Variants in ICAM5 observed in about 807,000 individuals in gnomAD.
ICAM5 encodes the protein intercellular adhesion molecule 5.
ICAM5 carries 38 observed loss-of-function variants against 78.8 expected under a neutral mutation model. The observed-to-expected ratio is 0.48, with a 90% CI of 0.37 to 0.63. The LOEUF is 0.63. Among genes scored for constraint, ICAM5 ranks in the 30% least tolerant of loss-of-function variants. ICAM5 has a pLI of 0.00. For missense variants in ICAM5, 1,059 were observed against 1,303.0 expected (o/e 0.81, Z 2.88); for synonymous variants, 544 against 590.9 (o/e 0.92, Z 1.15).
intron 10 of ICAM5, 56 bp downstream of exon 10, chr19:10,295,668 G>C: frequency 6.7e-7 from 1 of 1,487,986 alleles, no homozygotes. Context: ...GCGTGACCTG[G>C]GTCTTGGGGC....
In ICAM5 at chr19:10,294,652, C is replaced by G; in HGVS notation, c.2230+12C>G. 6.2e-7 allele frequency: 1 copy of G among 1,612,530 alleles called. No individual in the cohort carries two copies. Among genetic ancestry groups the G allele is most frequent in the African/African-American group, 1.3e-5 (1 of 75,040 alleles). On this transcript the variant is annotated intron_variant, in intron 9 of 10. Transcript: ENST00000221980. The surrounding 1 kb of genome is among the most constrained non-coding windows in gnomAD (Gnocchi z 7.7). ...TGTGGGCGTGGAATGTGAGTGGGGG[C>G]AGCACCGGATGGAGGGGACACGGTC...
At position 10,296,573 on chromosome 19, in the gene ICAM5, C is replaced by A. The variant is rs2040222520; in HGVS notation, c.2732C>A (p.Pro911Gln). 1 of 1,217,756 alleles carries A rather than the reference C, an allele frequency of 8.2e-7. No homozygotes were observed. Among genetic ancestry groups the A allele is most frequent in the Non-Finnish European group, 1.0e-6 (1 of 972,276 alleles). The allele number at this position is 1,217,756 out of a possible 1,614,324, so 75.4% of individuals were successfully genotyped here. Residue 911 changes from proline (P) to glutamine (Q), a missense_variant, in exon 11 of 11, where the codon CCG becomes CAG. Physicochemically the swap from Pro to Gln is moderately conservative, Grantham distance 76 (BLOSUM62 -1). Around this residue, in one of 3 missense-constraint regions of ICAM5, gnomAD observed 109 missense variants for 120.0 expected, o/e 0.91. Coordinates refer to ENST00000221980, the MANE Select transcript of ICAM5 (RefSeq NM_003259.4). ...GCGGCGGGGGGCGCGGCCGAGTCGC[C>A]GGCGGAGGGCGAGGTCTTCGCCATA... ...PEAAGGAAES[P>Q]AEGEVFAIQL...
At position 10,291,769 on chromosome 19, in the gene ICAM5, G is replaced by C. The variant is rs1212493612; in HGVS notation, c.633G>C (p.Leu211=). 6.2e-7 allele frequency: 1 copy of C among 1,612,104 alleles called. No individual in the cohort carries two copies. Among genetic ancestry groups the C allele is most frequent in the South Asian group, 1.1e-5 (1 of 91,006 alleles). The change falls in exon 3 of 11, where the codon CTG becomes CTC. Residue 211 remains leucine (L), a synonymous_variant. Transcript: ENST00000221980. Reference sequence around the variant, plus strand: ...ACCTGCGGCCGCACGGACTGGGACTGTTTGAAAACAGCTCGGCCCCCAGAG... The same window carrying C: ...ACCTGCGGCCGCACGGACTGGGACTCTTTGAAAACAGCTCGGCCCCCAGAG... ...ELDLRPHGLG[L]FENSSAPREL... is the part of the protein sequence containing the mutation.
In ICAM5 at chr19:10,293,872, C is replaced by T. The variant is rs780511464; in HGVS notation, c.1640C>T (p.Ala547Val). ...CTGTTGCGTGTGGCCCGGGAGCATGCGGGCACTTACCGCTGCGAAGCCACC... is the reference window on the plus strand; with the variant it reads ...CTGTTGCGTGTGGCCCGGGAGCATGTGGGCACTTACCGCTGCGAAGCCACC... ...EGLLRVAREHAGTYRCEATNP... is the reference protein window; with the variant it reads ...EGLLRVAREHVGTYRCEATNP... The change falls in exon 7 of 11, where the codon GCG becomes GTG. Residue 547 changes from alanine to valine, a missense_variant. Physicochemically the swap from Ala to Val is moderately conservative, Grantham distance 64. Around this residue, in one of 3 missense-constraint regions of ICAM5, gnomAD observed 815 missense variants for 952.8 expected, o/e 0.86. Transcript: ENST00000221980. This position sits in a 1 kb window ranked among gnomAD's most constrained non-coding sequence, Gnocchi z 5.0. 1.2e-6 allele frequency: 2 copies of T among 1,611,558 alleles called. No homozygotes were observed. The highest frequency in any genetic ancestry group is 1.7e-6 in the Non-Finnish European group (2 of 1,179,988).
chr19:10,292,127 C>G lies in ICAM5; in HGVS notation c.766C>G (p.Pro256Ala). 1 of 1,613,414 alleles carries G rather than the reference C, an allele frequency of 6.2e-7. No individual in the cohort carries two copies. The highest frequency in any genetic ancestry group is 2.2e-5 in the East Asian group (1 of 44,890). The change falls in exon 4 of 11, where the codon CCA (proline) becomes GCA (alanine). Residue 256 changes from proline (P) to alanine (A), a missense_variant. This residue lies in a region of ICAM5 where 815 missense variants were observed against 952.8 expected (regional missense o/e 0.86). Transcript: ENST00000221980. The stretch of plus-strand genomic sequence containing the variant: ...GAGCTGCACTCTGGACGGACTGTTT[C>G]CAGCCTCAGAGGCCAGGGTCTACCT... ...PVSCTLDGLF[P>A]ASEARVYLAL...
At position 10,290,118 on chromosome 19, in the gene ICAM5, C is replaced by A; in HGVS notation, c.75C>A (p.Gly25=). 6.5e-7 allele frequency: 1 copy of A among 1,530,294 alleles called. No homozygotes were observed. The highest frequency in any genetic ancestry group is 8.8e-7 in the Non-Finnish European group (1 of 1,137,176). The allele number at this position is 1,530,294 out of a possible 1,614,324, so 94.8% of individuals were successfully genotyped here. ...CTGCTCTGGGCCTGGGGCTCTTCGG[C>A]CTCTCAGGTAAGAGCCCCGCTCTGG... The part of the protein sequence containing the change: ...LWAALGLGLF[G]LSAVSQEPFW... Residue 25 remains glycine (G), a synonymous_variant, in exon 1 of 11, where the codon GGC becomes GGA. Coordinates refer to ENST00000221980, the MANE Select transcript of ICAM5 (RefSeq NM_003259.4). This position sits in a 1 kb window ranked among gnomAD's most constrained non-coding sequence, Gnocchi z 5.7.
chr19:10,294,298 C>G lies in ICAM5; in HGVS notation c.1970C>G (p.Thr657Arg). 6.2e-7 allele frequency: 1 copy of G among 1,613,240 alleles called. No individual in the cohort carries two copies. Among genetic ancestry groups the G allele is most frequent in the Non-Finnish European group, 8.5e-7 (1 of 1,179,836 alleles). The change falls in exon 8 of 11, where the codon ACA becomes AGA. Residue 657 changes from threonine (T) to arginine (R), a missense_variant. Thr to Arg is a moderately conservative substitution (Grantham distance 71). Coordinates refer to ENST00000221980, the MANE Select transcript of ICAM5 (RefSeq NM_003259.4). This position sits in a 1 kb window ranked among gnomAD's most constrained non-coding sequence, Gnocchi z 7.7. ...ATNRHGSVAK[T>R]VVVSAESPPE... ...AACCGCCACGGCTCCGTGGCCAAAA[C>G]AGTCGTCGTGAGCGCGGAGTGTGAG...
At chr19:10,291,393 G>A (rs1169942153) in intron 2 of ICAM5, 52 bp downstream of exon 2, 9 of 1,606,856 alleles carry the variant, frequency 5.6e-6, no homozygotes, top group South Asian at 1.1e-5. Context: ...TCCCTCCCAG[G>A]CCCCGCCCCC....
In ICAM5 at chr19:10,296,513, C is replaced by T. The variant is rs940440639; in HGVS notation, c.2672C>T (p.Ala891Val). The T allele has an allele frequency of 8.2e-7, 1 of 1,218,948 alleles. No homozygotes were observed. The highest frequency in any genetic ancestry group is 4.3e-5 in the Admixed American group (1 of 23,228). The allele number at this position is 1,218,948 out of a possible 1,614,324, so 75.5% of individuals were successfully genotyped here. The change falls in exon 11 of 11, where the codon GCT (alanine) becomes GTT (valine). Residue 891 changes from alanine to valine, a missense_variant. Physicochemically the swap from Ala to Val is moderately conservative, Grantham distance 64. Coordinates refer to ENST00000221980, the MANE Select transcript of ICAM5 (RefSeq NM_003259.4). ...TGTCTGAACGGAGCGGGCGGCGGCG[C>T]TGGCGGGGCGGCAGGCGCGGAGGGC... ...AVCLNGAGGG[A>V]GGAAGAEGGP...
Position 10,294,201 on chromosome 19 carries a change from C to G in ICAM5, c.1873C>G (p.Pro625Ala). The change falls in exon 8 of 11, where the codon CCA (proline) becomes GCA (alanine). Residue 625 changes from proline to alanine, a missense_variant. Pro to Ala is a conservative substitution (Grantham distance 27). Coordinates refer to ENST00000221980, the MANE Select transcript of ICAM5 (RefSeq NM_003259.4). This position sits in a 1 kb window ranked among gnomAD's most constrained non-coding sequence, Gnocchi z 7.7. Reference protein sequence around the residue: ...TEGVLLPLAPPDPSPRAPRIP... With the variant: ...TEGVLLPLAPADPSPRAPRIP... ...GGGGGTGCTGCTGCCGCTGGCACCC[C>G]CAGACCCTAGTCCCAGAGCTCCCAG... 1 of 1,614,038 alleles carries G rather than the reference C, an allele frequency of 6.2e-7. No individual in the cohort carries two copies. Among genetic ancestry groups the G allele is most frequent in the Non-Finnish European group, 8.5e-7 (1 of 1,180,016 alleles).
rs1331506327 is a variant in ICAM5, at chr19:10,290,022, C to T, written c.-22C>T. 1.3e-6 allele frequency: 2 copies of T among 1,535,080 alleles called. No homozygotes were observed. Among genetic ancestry groups the T allele is most frequent in the Non-Finnish European group, 1.7e-6 (2 of 1,144,282 alleles). ...CCTCGGCTCGCGCTCTCCTCGCCTC[C>T]TGTGCTTTCCCCGCCGCGGCGATGC... On this transcript the variant is annotated 5_prime_UTR_variant, in exon 1 of 11. Coordinates refer to ENST00000221980, the MANE Select transcript of ICAM5 (RefSeq NM_003259.4). This position sits in a 1 kb window ranked among gnomAD's most constrained non-coding sequence, Gnocchi z 5.7.
Position 10,296,321 on chromosome 19 carries a change from A to C in ICAM5, c.2498-18A>C, listed in dbSNP as rs2040219931. The C allele has an allele frequency of 8.1e-7, 1 of 1,230,418 alleles. No individual in the cohort carries two copies. Among genetic ancestry groups the C allele is most frequent in the East Asian group, 3.3e-5 (1 of 30,688 alleles). The allele number at this position is 1,230,418 out of a possible 1,614,324, so 76.2% of individuals were successfully genotyped here. A position where few individuals can be genotyped will look rare whatever the true frequency, so the allele number is the denominator to read the frequency against. On this transcript the variant is annotated intron_variant, in intron 10 of 10. Transcript: ENST00000221980. ...CCCCGGAGCTTGGCCACCCTCCGCG[A>C]GGGTCTCCACCCCGCAGGTCCGTGG... is the stretch of plus-strand genomic sequence containing the variant.
chr19:10,292,119 G>A lies in ICAM5; in HGVS notation c.758G>A (p.Gly253Glu), dbSNP rs755022271. Residue 253 changes from glycine (G) to glutamate (E), a missense_variant, in exon 4 of 11, where the codon GGA (glycine) becomes GAA (glutamate). By Grantham distance (98) the Gly-to-Glu change is moderately conservative. Transcript: ENST00000221980. ...AGGCCCGTGAGCTGCACTCTGGACG[G>A]ACTGTTTCCAGCCTCAGAGGCCAGG... ...SERPVSCTLDGLFPASEARVY... is the reference protein window; with the variant it reads ...SERPVSCTLDELFPASEARVY... The A allele has an allele frequency of 2.5e-6, 4 of 1,613,414 alleles. No homozygotes were observed. Among genetic ancestry groups the A allele is most frequent in the Non-Finnish European group, 3.4e-6 (4 of 1,180,028 alleles).
At position 10,293,667 on chromosome 19, in the gene ICAM5, C is replaced by A. The variant is rs1397916050; in HGVS notation, c.1466-31C>A. 6.2e-7 allele frequency: 1 copy of A among 1,603,286 alleles called. No homozygotes were observed. The highest frequency in any genetic ancestry group is 8.5e-7 in the Non-Finnish European group (1 of 1,172,866). On this transcript the variant is annotated intron_variant, in intron 6 of 10. Coordinates refer to ENST00000221980, the MANE Select transcript of ICAM5 (RefSeq NM_003259.4). This position sits in a 1 kb window ranked among gnomAD's most constrained non-coding sequence, Gnocchi z 5.0. ...AGGGACGTCAGATTTGCCCCCAAACCCCAAAGCCAACAATACACTCCCTCC... is the reference window on the plus strand; with the variant it reads ...AGGGACGTCAGATTTGCCCCCAAACACCAAAGCCAACAATACACTCCCTCC...
Position 10,290,037 on chromosome 19 carries a change from C to A in ICAM5, c.-7C>A. 1 of 1,538,806 alleles carries A rather than the reference C, an allele frequency of 6.5e-7. No homozygotes were observed. The highest frequency in any genetic ancestry group is 8.7e-7 in the Non-Finnish European group (1 of 1,145,192). On this transcript the variant is annotated 5_prime_UTR_variant, in exon 1 of 11. Transcript: ENST00000221980. The surrounding 1 kb of genome is among the most constrained non-coding windows in gnomAD (Gnocchi z 5.7). ...TCCTCGCCTCCTGTGCTTTCCCCGC[C>A]GCGGCGATGCCAGGGCCTTCGCCAG...
chr19:10,291,550 C>T lies in ICAM5; in HGVS notation c.414C>T (p.Phe138=). The change falls in exon 3 of 11, where the codon TTC becomes TTT. Residue 138 remains phenylalanine, a synonymous_variant. Transcript: ENST00000221980. ...LPPWQPVGEN[F]TLSCRVPGAG... ...CCTGGCAGCCGGTGGGCGAGAACTT[C>T]ACCCTGAGCTGTAGGGTCCCCGGCG... 6.2e-7 allele frequency: 1 copy of T among 1,612,560 alleles called. No homozygotes were observed. The highest frequency in any genetic ancestry group is 1.7e-4 in the Middle Eastern group (1 of 6,060).
Position 10,292,453 on chromosome 19 carries a change from A to G in ICAM5, c.961+131A>G, listed in dbSNP as rs913628406. 11 of 1,355,610 alleles carry G rather than the reference A, an allele frequency of 8.1e-6. No homozygotes were observed. In the African/African-American group the frequency reaches 1.0e-4, roughly 13 times the overall value. The allele number at this position is 1,355,610 out of a possible 1,614,324, so 84.0% of individuals were successfully genotyped here. A position where few individuals can be genotyped will look rare whatever the true frequency, so the allele number is the denominator to read the frequency against. On this transcript the variant is annotated intron_variant, in intron 4 of 10. Coordinates refer to ENST00000221980, the MANE Select transcript of ICAM5 (RefSeq NM_003259.4). ...AGGGGCGGGGCAGGTGGGGGCGGAGACGTAATCGCTGGGGAGGAGGAGCCT... is the reference window on the plus strand; with the variant it reads ...AGGGGCGGGGCAGGTGGGGGCGGAGGCGTAATCGCTGGGGAGGAGGAGCCT...
chr19:10,292,157 C>T lies in ICAM5; in HGVS notation c.796C>T (p.Leu266=), dbSNP rs1275987563. 5 of 1,613,306 alleles carry T rather than the reference C, an allele frequency of 3.1e-6. No homozygotes were observed. Among genetic ancestry groups the T allele is most frequent in the Non-Finnish European group, 4.2e-6 (5 of 1,180,050 alleles). ...CTCAGAGGCCAGGGTCTACCTCGCA[C>T]TGGGGGACCAGAATCTGAGTCCTGA... ...PASEARVYLA[L]GDQNLSPDVT... is the part of the protein sequence containing the mutation. The change falls in exon 4 of 11, where the codon CTG becomes TTG. Residue 266 remains leucine (L), a synonymous_variant. Coordinates refer to ENST00000221980, the MANE Select transcript of ICAM5 (RefSeq NM_003259.4).
In ICAM5 at chr19:10,292,317, TC is replaced by T; in HGVS notation, c.957del (p.Tyr320ThrfsTer8). On this transcript the variant is annotated frameshift_variant, in exon 4 of 11. Transcript: ENST00000221980. LOFTEE classifies it high-confidence loss of function. ...CGGGAGACCCGGGAGAACGTGACCA[TC>T]TACAGTAAGGAAGGAGGCGGGGTCT... The part of the protein sequence containing the change: ...ENRETRENVT[I>X]YSFPAPLLTL... 6.3e-7 allele frequency: 1 copy of T among 1,598,476 alleles called. No homozygotes were observed. The highest frequency in any genetic ancestry group is 8.5e-7 in the Non-Finnish European group (1 of 1,174,042).
Sources: gnomAD v4.1 joint callset for allele counts on GRCh38, gnomAD v4.1.1 for gene constraint, gnomAD v4.1.1 regional missense constraint, Gnocchi (gnomAD v3.1) non-coding constraint, MANE v1.5 for transcripts, NCBI Gene and HGNC (gene_info 2026-07-23, HGNC 2026-07-21) for gene names.